PTK6: variants seen among roughly 807,000 people sequenced by gnomAD.
PTK6 encodes protein-tyrosine kinase 6.
In PTK6, 47 loss-of-function variants were observed where a neutral mutation model predicts 47.5. The observed-to-expected ratio is 0.99, with a 90% CI of 0.78 to 1.26. PTK6 has a LOEUF of 1.26. Among genes scored for constraint, PTK6 ranks in the 50% most tolerant of loss-of-function variants. The probability of loss-of-function intolerance (pLI) is 0.00; values close to 1 mark genes in which losing one functional copy is unlikely to be tolerated. For missense variants in PTK6, 618 were observed against 625.3 expected, an observed-to-expected ratio of 0.99 and a Z score of 0.12; for synonymous variants, 287 against 276.5, an observed-to-expected ratio of 1.04 and a Z score of -0.38.
chr20:63,534,903 G>T, intron 2 of PTK6, 35 bp downstream of exon 2: 1 of 1,567,736 alleles, frequency 6.4e-7, no homozygotes, highest in Non-Finnish European at 8.7e-7. Context: ...AGGAGCCCCC[G>T]CAGGCAAGCA....
rs1022521613 is a variant in PTK6 at position 63,529,528 on chromosome 20, A to G, written c.*8T>C. ...AGCAGGGCCCGGCCATGCCCGCTCC[A>G]CAGCAGCTCAGGTCGGGTTCTCGTA... On this transcript the variant is annotated 3_prime_UTR_variant, in exon 8 of 8. Coordinates refer to ENST00000542869, the MANE Select transcript of PTK6 (RefSeq NM_005975.4). The surrounding 1 kb of genome is among the most constrained non-coding windows in gnomAD (Gnocchi z 5.6). 1 of 1,557,410 alleles carries G rather than the reference A, an allele frequency of 6.4e-7. No individual in the cohort carries two copies. Among genetic ancestry groups the G allele is most frequent in the Non-Finnish European group, 8.7e-7 (1 of 1,151,288 alleles).
In PTK6 at chr20:63,529,580, G is replaced by A. The variant is rs766668416; in HGVS notation, c.1312C>T (p.Arg438Trp). The part of the protein sequence containing the change: ...PEQRPCFKAL[R>W]ERLSSFTSYE... ...CTGGTGAAGCTGGAGAGCCTCTCCC[G>A]CAGGGCCTTGAAGCAGGGTCTCTGC... Residue 438 changes from arginine (R) to tryptophan (W), a missense_variant, in exon 8 of 8, where the codon CGG (arginine) becomes TGG (tryptophan). Arg to Trp is a moderately radical substitution (Grantham distance 101). Transcript: ENST00000542869. The surrounding 1 kb of genome is among the most constrained non-coding windows in gnomAD (Gnocchi z 5.6). 14 of 1,574,666 alleles carry A rather than the reference G, an allele frequency of 8.9e-6. No homozygotes were observed. The South Asian group carries it at 1.2e-4, about 13-fold the overall frequency.
chr20:63,535,121 GCCCCAGCCTGCCCGCCTGGAA>G (rs2082654813), intron 1 of PTK6, 62 bp from the exon 2 acceptor site: 1 of 1,500,894 alleles, frequency 6.7e-7, no homozygotes, highest in Admixed American at 2.1e-5. Context: ...CCCCACGCTG[GCCCCAGCCTGCCCGCCTGGAA>G]CCCCAGCCGC....
chr20:63,535,540 C>T (rs933032387), intron 1 of PTK6, among the ~76,000 whole-genome samples: 5 of 152,074 alleles, frequency 3.3e-5, no homozygotes, highest in Admixed American at 2.6e-4. Flanking sequence ...CACTAACTCC[C>T]GGCTGCGGGG....
At position 63,530,327 on chromosome 20, in the gene PTK6, G is replaced by C. The variant is rs1002444564; in HGVS notation, c.1015-96C>G. ...CAGCGGCCGCATTGCCCCAGCAGTG[G>C]GACGGTGATGACCCCACTGTCTGAC... is the stretch of plus-strand genomic sequence containing the variant. On this transcript the variant is annotated intron_variant, in intron 6 of 7. Transcript: ENST00000542869. This position sits in a 1 kb window ranked among gnomAD's most constrained non-coding sequence, Gnocchi z 4.1. 6.8e-6 allele frequency: 10 copies of C among 1,477,150 alleles called. No individual in the cohort carries two copies. Among genetic ancestry groups the C allele is most frequent in the Non-Finnish European group, 9.3e-6 (10 of 1,079,550 alleles). The allele number at this position is 1,477,150 out of a possible 1,614,324, so 91.5% of individuals were successfully genotyped here. A position where few individuals can be genotyped will look rare whatever the true frequency, so the allele number is the denominator to read the frequency against.
At position 63,532,657 on chromosome 20, in the gene PTK6, G is replaced by T; in HGVS notation, c.701C>A (p.Ser234Ter). Residue 234 changes from serine (S) to a stop codon, truncating the protein, a stop_gained, in exon 5 of 8, where the codon TCG becomes TAG. Coordinates refer to ENST00000542869, the MANE Select transcript of PTK6 (RefSeq NM_005975.4). LOFTEE classifies it high-confidence loss of function. ...DNLLHQQMLQ[S>*]EIQAMKKLRH... ...CAGCTTCTTCATGGCCTGGATCTCCGACTGCAGCATCTGCTGGTGCAGGAG... is the reference window on the plus strand; with the variant it reads ...CAGCTTCTTCATGGCCTGGATCTCCTACTGCAGCATCTGCTGGTGCAGGAG... 1 of 1,614,026 alleles carries T rather than the reference G, an allele frequency of 6.2e-7. No individual in the cohort carries two copies.
chr20:63,534,361 C>T lies in PTK6; in HGVS notation c.353-46G>A, dbSNP rs762479285. 7.9e-6 allele frequency: 12 copies of T among 1,528,228 alleles called. No homozygotes were observed. In the Admixed American group the frequency reaches 9.7e-5, roughly 12 times the overall value. 94.7% of individuals were successfully genotyped at this position (1,528,228 alleles called of 1,614,324 possible). A position where few individuals can be genotyped will look rare whatever the true frequency, so the allele number is the denominator to read the frequency against. On this transcript the variant is annotated intron_variant, in intron 2 of 7. Coordinates refer to ENST00000542869, the MANE Select transcript of PTK6 (RefSeq NM_005975.4). Reference sequence around the variant, plus strand: ...TGTGTGGCCACCCCAACTCCGACGCCTCCCTGCGTCCCCAGCCCTGCTGGC... The same window carrying T: ...TGTGTGGCCACCCCAACTCCGACGCTTCCCTGCGTCCCCAGCCCTGCTGGC...
Position 63,530,172 on chromosome 20 carries a change from C to G in PTK6, c.1074G>C (p.Ala358=). 6.2e-7 allele frequency: 1 copy of G among 1,614,054 alleles called. No homozygotes were observed. Residue 358 remains alanine (A), a synonymous_variant, in exon 7 of 8, where the codon GCG becomes GCC. Coordinates refer to ENST00000542869, the MANE Select transcript of PTK6 (RefSeq NM_005975.4). This position sits in a 1 kb window ranked among gnomAD's most constrained non-coding sequence, Gnocchi z 4.1. Reference sequence around the variant, plus strand: ...TGGTGGAGTAATGGCCTCGGGAGAGCGCTTCAGGGGCCGTCCACTTGTAGG... The same window carrying G: ...TGGTGGAGTAATGGCCTCGGGAGAGGGCTTCAGGGGCCGTCCACTTGTAGG... The part of the protein sequence containing the change: ...NIPYKWTAPE[A]LSRGHYSTKS...
At position 63,530,015 on chromosome 20, in the gene PTK6, C is replaced by T. The variant is rs189970731; in HGVS notation, c.1168+63G>A. On this transcript the variant is annotated intron_variant, in intron 7 of 7. Coordinates refer to ENST00000542869, the MANE Select transcript of PTK6 (RefSeq NM_005975.4). The surrounding 1 kb of genome is among the most constrained non-coding windows in gnomAD (Gnocchi z 4.1). ...GGGAGGCACCCCCCAGCGTCCCTGC[C>T]GGCTACCCAGGACCTCCCCCACTCT... The T allele has an allele frequency of 2.5e-5, 40 of 1,582,036 alleles. No homozygotes were observed. Among genetic ancestry groups the T allele is most frequent in the Middle Eastern group, 1.7e-4 (1 of 6,004 alleles).
At position 63,530,599 on chromosome 20, in the gene PTK6, C is replaced by A; in HGVS notation, c.1014+147G>T. ...GGGGGCCCCACCGGACTCACGGTGG[C>A]TTCCCACCTCCCTGCCCAGCCTGGG... On this transcript the variant is annotated intron_variant, in intron 6 of 7. Coordinates refer to ENST00000542869, the MANE Select transcript of PTK6 (RefSeq NM_005975.4). This position sits in a 1 kb window ranked among gnomAD's most constrained non-coding sequence, Gnocchi z 4.1. 9.5e-7 allele frequency: 1 copy of A among 1,051,420 alleles called. No homozygotes were observed. Among genetic ancestry groups the A allele is most frequent in the Non-Finnish European group, 1.3e-6 (1 of 744,312 alleles). 65.1% of individuals were successfully genotyped at this position (1,051,420 alleles called of 1,614,324 possible). A position where few individuals can be genotyped will look rare whatever the true frequency, so the allele number is the denominator to read the frequency against.
rs751076736 is a variant in PTK6, at chr20:63,535,090, C to T, written c.231-31G>A. On this transcript the variant is annotated intron_variant, in intron 1 of 7. Transcript: ENST00000542869. ...GGGGAGGAGTCTGAGAACACGCGGA[C>T]CTGGGCCCACCCCACGTGGACCCCA... 15 of 1,568,552 alleles carry T rather than the reference C, an allele frequency of 9.6e-6. No individual in the cohort carries two copies. In the East Asian group the frequency reaches 1.8e-4, roughly 19 times the overall value.
chr20:63,529,844 G>C lies in PTK6; in HGVS notation c.1169-121C>G. ...CCCGCAGCCTCAGCTGCCATGCCTTGGCGCCACCCAGCACACTGTCCACTG... is the reference window on the plus strand; with the variant it reads ...CCCGCAGCCTCAGCTGCCATGCCTTCGCGCCACCCAGCACACTGTCCACTG... On this transcript the variant is annotated intron_variant, in intron 7 of 7. Coordinates refer to ENST00000542869, the MANE Select transcript of PTK6 (RefSeq NM_005975.4). The surrounding 1 kb of genome is among the most constrained non-coding windows in gnomAD (Gnocchi z 5.6). The C allele has an allele frequency of 8.2e-7, 1 of 1,215,534 alleles. No individual in the cohort carries two copies. Among genetic ancestry groups the C allele is most frequent in the Non-Finnish European group, 1.1e-6 (1 of 886,438 alleles). The allele number at this position is 1,215,534 out of a possible 1,614,324, so 75.3% of individuals were successfully genotyped here.
At chr20:63,531,444 A>G in intron 5 of PTK6, among the ~76,000 whole-genome samples, 1 of 93,272 alleles carries the variant, frequency 1.1e-5, no homozygotes, top group Non-Finnish European at 1.8e-5. Context: ...AAAAATATAT[A>G]TATATATATA....
intron 1 of PTK6, among the ~76,000 whole-genome samples, chr20:63,536,267 G>A (rs1201333322): frequency 2.2e-5 from 3 of 134,336 alleles, no homozygotes; most frequent in Admixed American, 7.8e-5. Context: ...CCAGCCTCCG[G>A]CCAGACCCCA....
Position 63,530,696 on chromosome 20 carries a change from T to TCCGGCCACGCC in PTK6, c.1014+39_1014+49dup, listed in dbSNP as rs759336499. On this transcript the variant is annotated intron_variant, in intron 6 of 7. Coordinates refer to ENST00000542869, the MANE Select transcript of PTK6 (RefSeq NM_005975.4). This position sits in a 1 kb window ranked among gnomAD's most constrained non-coding sequence, Gnocchi z 4.1. ...TCCACACACAGGAAGCCCCCAGCCC[T>TCCGGCCACGCC]CCGGCCACGCCCCGGCCACGACCCC... is the stretch of plus-strand genomic sequence containing the variant. 2.4e-4 allele frequency: 382 copies of TCCGGCCACGCC among 1,591,402 alleles called. No homozygotes were observed. The highest frequency in any genetic ancestry group is 2.8e-4 in the Non-Finnish European group (321 of 1,166,228).
chr20:63,534,364 C>A, intron 2 of PTK6, 49 bp from the exon 3 acceptor site: 1 of 1,523,302 alleles, frequency 6.6e-7, no homozygotes. Context: ...CCGACGCCTC[C>A]CTGCGTCCCC....
intron 5 of PTK6, 131 bp downstream of exon 5, chr20:63,532,395 G>A: frequency 8.4e-7 from 1 of 1,188,234 alleles, no homozygotes; most frequent in South Asian, 1.4e-5. Flanking sequence ...CTGTGTCTGT[G>A]TGTGCATGTG....
Position 63,528,250 on chromosome 20 carries a change from A to T in PTK6, c.*1286T>A, listed in dbSNP as rs1032746556. The T allele has an allele frequency of 6.6e-6, 1 of 152,206 alleles. No individual in the cohort carries two copies. The highest frequency in any genetic ancestry group is 1.5e-5 in the Non-Finnish European group (1 of 68,038). 9.4% of individuals were successfully genotyped at this position (152,206 alleles called of 1,614,324 possible). ...CGTAAATAGAACCTCCAGAAGACTT[A>T]GTGTGACTTACTATTTCACACGCTT... On this transcript the variant is annotated 3_prime_UTR_variant, in exon 8 of 8. Coordinates refer to ENST00000542869, the MANE Select transcript of PTK6 (RefSeq NM_005975.4).
chr20:63,529,128 C>A lies in PTK6; in HGVS notation c.*408G>T, dbSNP rs6011873. The A allele has an allele frequency of 0.1, 16,282 of 158,326 alleles. 2,576 individuals carry two copies. Among genetic ancestry groups the A allele is most frequent in the African/African-American group, 0.35 (14,592 of 41,646 alleles). 9.8% of individuals were successfully genotyped at this position (158,326 alleles called of 1,614,324 possible). The stretch of plus-strand genomic sequence containing the variant: ...AGCACCAAAACCAAATTTACATGAG[C>A]GTCCCGAGCCACGCGAATGACTTTC... On this transcript the variant is annotated 3_prime_UTR_variant, in exon 8 of 8. Transcript: ENST00000542869. The surrounding 1 kb of genome is among the most constrained non-coding windows in gnomAD (Gnocchi z 5.6).
Sources: allele counts gnomAD v4.1 joint callset (sites outside exome capture counted in the v4.1 genomes callset), GRCh38; gene constraint gnomAD v4.1.1; non-coding constraint Gnocchi (gnomAD v3.1); transcripts MANE v1.5; gene names NCBI Gene and HGNC (gene_info 2026-07-23, HGNC 2026-07-21).